TRIM60: variants seen among roughly 807,000 people sequenced by gnomAD.
TRIM60 encodes tripartite motif containing 60.
For synonymous variants in TRIM60, 189 were observed against 195.2 expected (o/e 0.97, Z 0.27); for missense variants, 524 against 540.8 (o/e 0.97, Z 0.31).
chr4:165,036,139 C>T (rs1402852549), intron 1 of TRIM60, among the ~76,000 whole-genome samples: 1 of 152,194 alleles, frequency 6.6e-6, no homozygotes, highest in Non-Finnish European at 1.5e-5. Context: ...AAGCAACCTT[C>T]TAAGGGTGGC....
rs1733740054 is a variant in TRIM60 at position 165,040,727 on chromosome 4, A to G, written c.655A>G (p.Asn219Asp). 2 of 1,614,082 alleles carry G rather than the reference A, an allele frequency of 1.2e-6. No homozygotes were observed. The highest frequency in any genetic ancestry group is 2.2e-5 in the East Asian group (1 of 44,876). The change falls in exon 3 of 3, where the codon AAC becomes GAC. Residue 219 changes from asparagine (N) to aspartate (D), a missense_variant. Transcript: ENST00000512596. ...GAACATTTTAGCAAAACTAAATGAA[A>G]ACCTTGTAGAACTTTCAGATTATGT... is the stretch of plus-strand genomic sequence containing the variant. ...EMNILAKLNE[N>D]LVELSDYVST...
At position 165,040,958 on chromosome 4, in the gene TRIM60, G is replaced by C. The variant is rs1485434285; in HGVS notation, c.886G>C (p.Asp296His). ...CAGAATTATCAAGCCATTTCAAGTA[G>C]ATGTGATTCTAGATCTCAACACAGC... ...LDRIIKPFQV[D>H]VILDLNTAHP... Residue 296 changes from aspartate to histidine, a missense_variant, in exon 3 of 3, where the codon GAT becomes CAT. Physicochemically the swap from Asp to His is moderately conservative, Grantham distance 81. Coordinates refer to ENST00000512596, the MANE Select transcript of TRIM60 (RefSeq NM_152620.3). 1.9e-6 allele frequency: 3 copies of C among 1,614,028 alleles called. No individual in the cohort carries two copies. The Admixed American group carries it at 5.0e-5, about 27-fold the overall frequency.
At chr4:165,037,631 A>G (rs58476773) in intron 1 of TRIM60, among the ~76,000 whole-genome samples, 230 of 152,126 alleles carry the variant, frequency 1.5e-3, no homozygotes, top group African/African-American at 4.9e-3. Flanking sequence ...GGCTCAAGCA[A>G]TTTTCTTGCC....
chr4:165,034,851 G>A (rs1197255942), intron 1 of TRIM60, among the ~76,000 whole-genome samples: 23 of 152,082 alleles, frequency 1.5e-4, no homozygotes, highest in Admixed American at 1.4e-3. Context: ...AGCAGTGAGA[G>A]ATATAGTAGC....
rs1384696214 is a variant in TRIM60 at position 165,041,298 on chromosome 4, T to A, written c.1226T>A (p.Val409Glu). The change falls in exon 3 of 3, where the codon GTA becomes GAA. Residue 409 changes from valine to glutamate, a missense_variant. Val to Glu is a moderately radical substitution (Grantham distance 121). Coordinates refer to ENST00000512596, the MANE Select transcript of TRIM60 (RefSeq NM_152620.3). ...SGPKTTQLLP[V>E]VKPSKIGIFL... ...CCTAAGACAACCCAGCTTCTGCCAG[T>A]AGTAAAACCCAGTAAAATTGGTATT... 1 of 1,614,098 alleles carries A rather than the reference T, an allele frequency of 6.2e-7. No homozygotes were observed. Among genetic ancestry groups the A allele is most frequent in the Non-Finnish European group, 8.5e-7 (1 of 1,180,056 alleles).
At chr4:165,038,657 A>G (rs1733677920) in intron 1 of TRIM60, among the ~76,000 whole-genome samples, 1 of 151,900 alleles carries the variant, frequency 6.6e-6, no homozygotes, top group East Asian at 1.9e-4. Context: ...AAAAAAAAAA[A>G]AAGCCTGCTT....
rs1157052920 is a variant in TRIM60, at chr4:165,040,609, G to A, written c.537G>A (p.Lys179=). The A allele has an allele frequency of 6.2e-7, 1 of 1,614,152 alleles. No individual in the cohort carries two copies. Among genetic ancestry groups the A allele is most frequent in the Non-Finnish European group, 8.5e-7 (1 of 1,180,008 alleles). ...SVELKKKVEY[K]REEINSEFEQ... is the part of the protein sequence containing the mutation. ...AGCTGAAAAAGAAGGTAGAATATAA[G>A]AGGGAAGAAATAAATTCTGAGTTTG... Residue 179 remains lysine, a synonymous_variant, in exon 3 of 3, where the codon AAG becomes AAA. Coordinates refer to ENST00000512596, the MANE Select transcript of TRIM60 (RefSeq NM_152620.3).
intron 1 of TRIM60, among the ~76,000 whole-genome samples, chr4:165,038,672 T>C (rs909422599): frequency 2.6e-5 from 4 of 151,784 alleles, no homozygotes; most frequent in Admixed American, 6.6e-5. Context: ...CTGCTTTTTT[T>C]CCCAGCACTG....
rs374881102 is a variant in TRIM60 at position 165,038,575 on chromosome 4, A to G, written c.-56-626A>G. Among the ~76,000 whole-genome samples the G allele has an allele frequency of 3.2e-4, 47 of 148,332 alleles. 1 individual carries two copies. The South Asian group carries it at 6.3e-3, about 20-fold the overall frequency. On this transcript the variant is annotated intron_variant, in intron 1 of 2. Coordinates refer to ENST00000512596, the MANE Select transcript of TRIM60 (RefSeq NM_152620.3). The stretch of plus-strand genomic sequence containing the variant: ...GTGGTCGTGGTTACTCTGCAGGCTG[A>G]GGCTGCAAAGAACCATGGTCATACC...
chr4:165,040,990 T>C lies in TRIM60; in HGVS notation c.918T>C (p.Pro306=). ...TTCTAGATCTCAACACAGCACATCC[T>C]CAACTTCTTGTCTCTGAGGATAGAA... ...DVILDLNTAH[P]QLLVSEDRKA... Residue 306 remains proline (P), a synonymous_variant, in exon 3 of 3, where the codon CCT becomes CCC. Coordinates refer to ENST00000512596, the MANE Select transcript of TRIM60 (RefSeq NM_152620.3). 1 of 1,614,118 alleles carries C rather than the reference T, an allele frequency of 6.2e-7. No homozygotes were observed. The highest frequency in any genetic ancestry group is 1.7e-4 in the Middle Eastern group (1 of 6,060).
In TRIM60 at chr4:165,040,974, T is replaced by C. The variant is rs753438149; in HGVS notation, c.902T>C (p.Leu301Pro). The change falls in exon 3 of 3, where the codon CTC (leucine) becomes CCC (proline). Residue 301 changes from leucine to proline, a missense_variant. Transcript: ENST00000512596. ...TTTCAAGTAGATGTGATTCTAGATCTCAACACAGCACATCCTCAACTTCTT... is the reference window on the plus strand; with the variant it reads ...TTTCAAGTAGATGTGATTCTAGATCCCAACACAGCACATCCTCAACTTCTT... ...KPFQVDVILD[L>P]NTAHPQLLVS... 2 of 1,614,096 alleles carry C rather than the reference T, an allele frequency of 1.2e-6. No homozygotes were observed. Among genetic ancestry groups the C allele is most frequent in the Non-Finnish European group, 1.7e-6 (2 of 1,179,948 alleles).
intron 1 of TRIM60, among the ~76,000 whole-genome samples, chr4:165,036,776 G>C (rs1051845202): frequency 6.6e-6 from 1 of 151,814 alleles, no homozygotes; most frequent in African/African-American, 2.4e-5. Flanking sequence ...AGGTACTGGG[G>C]AGGCTGAGGC....
intron 2 of TRIM60, among the ~76,000 whole-genome samples, chr4:165,039,790 GC>G (rs1733707900): frequency 7.2e-6 from 1 of 139,350 alleles, no homozygotes; most frequent in Non-Finnish European, 1.5e-5. Flanking sequence ...GGGCGACAGA[GC>G]GAGACTCCGT....
chr4:165,037,587 T>A (rs1733649071), intron 1 of TRIM60, among the ~76,000 whole-genome samples: 1 of 152,078 alleles, frequency 6.6e-6, no homozygotes, highest in South Asian at 2.1e-4. Flanking sequence ...CCTCACAAAT[T>A]GCTGAGATTA....
chr4:165,037,113 A>G (rs1246644487), intron 1 of TRIM60, among the ~76,000 whole-genome samples: 1 of 151,524 alleles, frequency 6.6e-6, no homozygotes, highest in Non-Finnish European at 1.5e-5. Flanking sequence ...AGTCAGGAGA[A>G]TCGCTTGAAC....
intron 1 of TRIM60, among the ~76,000 whole-genome samples, chr4:165,036,950 C>T (rs575260558): frequency 3.0e-4 from 45 of 150,840 alleles, no homozygotes; most frequent in African/African-American, 8.8e-4. Context: ...AATCCCAGTT[C>T]CCAGCACTTT....
In TRIM60 at chr4:165,040,743, C is replaced by A. The variant is rs1282201332; in HGVS notation, c.671C>A (p.Ser224Ter). The A allele has an allele frequency of 1.2e-6, 2 of 1,614,070 alleles. No individual in the cohort carries two copies. The highest frequency in any genetic ancestry group is 2.2e-5 in the East Asian group (1 of 44,880). Reference sequence around the variant, plus strand: ...CTAAATGAAAACCTTGTAGAACTTTCAGATTATGTTTCCACATTAAAACAT... The same window carrying A: ...CTAAATGAAAACCTTGTAGAACTTTAAGATTATGTTTCCACATTAAAACAT... ...AKLNENLVEL[S>*]DYVSTLKHLL... Residue 224 changes from serine to a stop codon, truncating the protein, a stop_gained, in exon 3 of 3, where the codon TCA becomes TAA. Coordinates refer to ENST00000512596, the MANE Select transcript of TRIM60 (RefSeq NM_152620.3). LOFTEE classifies it low-confidence loss of function (END_TRUNC).
In TRIM60 at chr4:165,040,521, C is replaced by T. The variant is rs2111217934; in HGVS notation, c.449C>T (p.Pro150Leu). The T allele has an allele frequency of 6.2e-7, 1 of 1,613,954 alleles. No individual in the cohort carries two copies. Among genetic ancestry groups the T allele is most frequent in the Non-Finnish European group, 8.5e-7 (1 of 1,180,014 alleles). Residue 150 changes from proline (P) to leucine (L), a missense_variant, in exon 3 of 3, where the codon CCC becomes CTC. By Grantham distance (98) the Pro-to-Leu change is moderately conservative (BLOSUM62 -3). Transcript: ENST00000512596. ...HREILEGSLE[P>L]LRNNIERVEK... ...GAAATTCTAGAAGGTAGCCTTGAGC[C>T]CTTGAGGAATAATATAGAACGAGTT...
intron 1 of TRIM60, among the ~76,000 whole-genome samples, chr4:165,036,929 C>G (rs1035422925): frequency 6.6e-6 from 1 of 150,608 alleles, no homozygotes; most frequent in Non-Finnish European, 1.5e-5. Context: ...GGCACAGTGG[C>G]TTACGCCTGT....
Sources: allele counts gnomAD v4.1 joint callset (sites outside exome capture counted in the v4.1 genomes callset), GRCh38; gene constraint gnomAD v4.1.1; transcripts MANE v1.5; gene names NCBI Gene and HGNC (gene_info 2026-07-23, HGNC 2026-07-21).